Variants in DOCK7 observed in about 807,000 individuals in gnomAD.
DOCK7 encodes dedicator of cytokinesis protein 7.
DOCK7 carries 138 observed loss-of-function variants against 271.0 expected under a neutral mutation model. That is an observed-to-expected ratio of 0.51 (90% CI 0.44 to 0.59). The LOEUF (loss-of-function observed/expected upper bound fraction) is 0.59. DOCK7 is among the 20% of genes least tolerant of loss of function. DOCK7 has a pLI of 0.00. For missense variants in DOCK7, 2,066 were observed against 2,592.4 expected (o/e 0.80, Z 4.41); for synonymous variants, 823 against 876.1 (o/e 0.94, Z 1.07).
intron 22 of DOCK7, among the ~76,000 whole-genome samples, chr1:62,546,152 T>C (rs558676580): frequency 6.6e-6 from 1 of 152,230 alleles, no homozygotes; most frequent in African/African-American, 2.4e-5. Context: ...TGTCTAGATA[T>C]TAGTGTCATT....
chr1:62,688,192 C>T (rs1475102331), intron 1 of DOCK7, 35 bp downstream of exon 1: 1 of 1,335,984 alleles, frequency 7.5e-7, no homozygotes. Context: ...CTTTCTCGGG[C>T]GGCGGCGGCG....
rs1418948454 is a variant in DOCK7 at position 62,513,767 on chromosome 1, T to A, written c.4068A>T (p.Leu1356=). Residue 1356 remains leucine, a synonymous_variant, in exon 32 of 50, where the codon CTA becomes CTT. Transcript: ENST00000635253. ...KWFTDLSVLQ[L]NRLLDLLYLC... The stretch of plus-strand genomic sequence containing the variant: ...GATAAAGCAGATCTAATAGCCGGTT[T>A]AGCTGCAAGACTGAGAGATCTGTAA... 1 of 1,614,076 alleles carries A rather than the reference T, an allele frequency of 6.2e-7. No homozygotes were observed. Among genetic ancestry groups the A allele is most frequent in the African/African-American group, 1.3e-5 (1 of 74,942 alleles).
rs781330697 is a variant in DOCK7, at chr1:62,544,928, C to T, written c.2859+19G>A. The T allele has an allele frequency of 2.0e-6, 3 of 1,536,230 alleles. No individual in the cohort carries two copies. On this transcript the variant is annotated intron_variant, in intron 23 of 49. Coordinates refer to ENST00000635253, the MANE Select transcript of DOCK7 (RefSeq NM_001367561.1). Reference sequence around the variant, plus strand: ...GAAACATCAGCAGCCAATAAAGAAACCTCTAATATAAACACCACCTGTGTT... The same window carrying T: ...GAAACATCAGCAGCCAATAAAGAAATCTCTAATATAAACACCACCTGTGTT...
At chr1:62,655,425 CTTTTT>C (rs200798806) in intron 2 of DOCK7, among the ~76,000 whole-genome samples, 12 of 86,330 alleles carry the variant, frequency 1.4e-4, no homozygotes, top group Non-Finnish European at 3.2e-4. Context: ...TTTTTCTTTT[CTTTTT>C]TTTTTTTTTT....
chr1:62,557,621 A>G (rs1408484678), intron 20 of DOCK7, among the ~76,000 whole-genome samples: 1 of 146,568 alleles, frequency 6.8e-6, no homozygotes, highest in African/African-American at 2.5e-5. Flanking sequence ...CATACTAGAT[A>G]AGAGAGAGAG....
chr1:62,641,649 G>T, intron 7 of DOCK7: 1 of 452,584 alleles, frequency 2.2e-6, no homozygotes, highest in South Asian at 1.6e-5. Flanking sequence ...AGCAGTACCT[G>T]CTTGGCCACA....
intron 19 of DOCK7, among the ~76,000 whole-genome samples, chr1:62,560,614 T>A (rs1296778560): frequency 6.6e-6 from 1 of 152,144 alleles, no homozygotes; most frequent in African/African-American, 2.4e-5. Context: ...TCTATCCTTA[T>A]GTATCATGAT....
At chr1:62,543,380 AT>A in intron 24 of DOCK7, 5 of 247,972 alleles carry the variant, frequency 2.0e-5, no homozygotes, top group Admixed American at 5.1e-5. Flanking sequence ...GAGTTGATAC[AT>A]TTTTTTGGTA....
At chr1:62,592,423 A>G (rs1316347019) in intron 14 of DOCK7, among the ~76,000 whole-genome samples, 1 of 152,198 alleles carries the variant, frequency 6.6e-6, no homozygotes, top group Non-Finnish European at 1.5e-5. Flanking sequence ...TGAGAAAGGC[A>G]TTTCTTAGCA....
At chr1:62,663,151 A>C (rs573845280) in intron 1 of DOCK7, 21 bp from the exon 2 acceptor site, 4 of 1,562,064 alleles carry the variant, frequency 2.6e-6, no homozygotes, top group South Asian at 2.3e-5. Flanking sequence ...GAAAGCAAAA[A>C]CATACGCATT....
At chr1:62,685,032 T>C (rs1439656232) in intron 1 of DOCK7, among the ~76,000 whole-genome samples, 1 of 152,210 alleles carries the variant, frequency 6.6e-6, no homozygotes, top group Non-Finnish European at 1.5e-5. Context: ...ACAAATTTCA[T>C]ATACGAACAC....
chr1:62,620,741 G>A (rs934629470), intron 12 of DOCK7, among the ~76,000 whole-genome samples: 4 of 151,622 alleles, frequency 2.6e-5, no homozygotes, highest in African/African-American at 4.8e-5. Flanking sequence ...AAAATTAGCC[G>A]GGCGGGATGG....
chr1:62,548,070 T>G (rs1393295357), intron 22 of DOCK7, among the ~76,000 whole-genome samples: 1 of 152,090 alleles, frequency 6.6e-6, no homozygotes, highest in African/African-American at 2.4e-5. Context: ...GCACCTTGAA[T>G]AAGTTAGACA....
chr1:62,495,922 T>C (rs575107970), intron 38 of DOCK7: 1 of 410,376 alleles, frequency 2.4e-6, no homozygotes, highest in Admixed American at 4.4e-5. Flanking sequence ...CAAGCAGAAC[T>C]GTAAGTAGAA....
intron 49 of DOCK7, among the ~76,000 whole-genome samples, chr1:62,456,848 G>A (rs1256523127): frequency 2.0e-5 from 3 of 152,072 alleles, no homozygotes; most frequent in African/African-American, 4.8e-5. Context: ...AGATTGAAGG[G>A]GAAACCAAAA....
At chr1:62,497,102 T>G (rs1646645640) in intron 37 of DOCK7, among the ~76,000 whole-genome samples, 5 of 152,184 alleles carry the variant, frequency 3.3e-5, no homozygotes, top group Admixed American at 3.3e-4. Flanking sequence ...TGGTCAATAT[T>G]CTACTTTACA....
intron 1 of DOCK7, among the ~76,000 whole-genome samples, chr1:62,677,669 T>G (rs572775922): frequency 6.6e-6 from 1 of 151,874 alleles, no homozygotes; most frequent in Non-Finnish European, 1.5e-5. Flanking sequence ...TCTGAAGAAA[T>G]TGAATTGACT....
rs1557822656 is a variant in DOCK7 at position 62,625,414 on chromosome 1, T to A, written c.1283-13A>T. On this transcript the variant is annotated splice_polypyrimidine_tract_variant and intron_variant, in intron 11 of 49. Coordinates refer to ENST00000635253, the MANE Select transcript of DOCK7 (RefSeq NM_001367561.1). The stretch of plus-strand genomic sequence containing the variant: ...GACCCTTTTCGTTCTACAAAAGAAT[T>A]AAAAAAAAAATTCATTTTCATAGAA... 1 of 1,522,300 alleles carries A rather than the reference T, an allele frequency of 6.6e-7. No individual in the cohort carries two copies. 94.3% of individuals were successfully genotyped at this position (1,522,300 alleles called of 1,614,324 possible). A position where few individuals can be genotyped will look rare whatever the true frequency, so the allele number is the denominator to read the frequency against.
chr1:62,599,187 A>T (rs779748936), intron 14 of DOCK7, among the ~76,000 whole-genome samples: 18 of 152,212 alleles, frequency 1.2e-4, no homozygotes, highest in Non-Finnish European at 2.6e-4. Context: ...TTTCACTCAT[A>T]TTGGCTCTTT....
Sources: allele counts gnomAD v4.1 joint callset (sites outside exome capture counted in the v4.1 genomes callset), GRCh38; gene constraint gnomAD v4.1.1; transcripts MANE v1.5; gene names NCBI Gene and HGNC (gene_info 2026-07-23, HGNC 2026-07-21).